Variants in PPP3R1 observed in about 807,000 individuals in gnomAD.
PPP3R1 encodes the protein protein phosphatase 3 regulatory subunit B, alpha.
PPP3R1 carries 5 observed loss-of-function variants against 22.6 expected under a neutral mutation model. That is an observed-to-expected ratio of 0.22 (90% CI 0.12 to 0.46). The LOEUF is 0.46. Among genes scored for constraint, PPP3R1 ranks in the 20% least tolerant of loss-of-function variants. The pLI is 0.99. For synonymous variants in PPP3R1, 56 were observed against 65.2 expected, an observed-to-expected ratio of 0.86 and a Z score of 0.68; for missense variants, 61 against 203.2, an observed-to-expected ratio of 0.30 and a Z score of 4.25.
intron 2 of PPP3R1, among the ~76,000 whole-genome samples, chr2:68,207,853 G>C (rs1352988459): frequency 6.6e-6 from 1 of 152,172 alleles, no homozygotes; most frequent in East Asian, 1.9e-4. Flanking sequence ...CAATTCTAGA[G>C]AAACTATAAA....
chr2:68,192,890 A>C (rs983475234), intron 2 of PPP3R1, among the ~76,000 whole-genome samples: 1 of 152,132 alleles, frequency 6.6e-6, no homozygotes, highest in African/African-American at 2.4e-5. Context: ...TCTCTGCTAA[A>C]GTATAGATTT....
intron 3 of PPP3R1, among the ~76,000 whole-genome samples, chr2:68,188,205 C>T (rs1411387773): frequency 6.6e-6 from 1 of 151,998 alleles, no homozygotes; most frequent in Non-Finnish European, 1.5e-5. Flanking sequence ...GGAATTGCAG[C>T]TTCTAATGTA....
At chr2:68,204,331 A>G (rs1675061741) in intron 2 of PPP3R1, among the ~76,000 whole-genome samples, 1 of 50,426 alleles carries the variant, frequency 2.0e-5, no homozygotes, top group African/African-American at 1.3e-4. Flanking sequence ...ATATACACAC[A>G]CACACTATAT....
chr2:68,223,593 A>G (rs550071882), intron 1 of PPP3R1, among the ~76,000 whole-genome samples: 1 of 152,284 alleles, frequency 6.6e-6, no homozygotes, highest in Non-Finnish European at 1.5e-5. Context: ...AAAAAGAAAA[A>G]AACCACATGG....
chr2:68,191,768 C>A (rs544911112), intron 2 of PPP3R1, among the ~76,000 whole-genome samples: 1 of 152,164 alleles, frequency 6.6e-6, no homozygotes, highest in South Asian at 2.1e-4. Context: ...ACATCAACTA[C>A]ACAAGCATTT....
chr2:68,217,197 A>G, intron 1 of PPP3R1, 66 bp from the exon 2 acceptor site: 2 of 1,155,620 alleles, frequency 1.7e-6, no homozygotes, highest in South Asian at 2.9e-5. Context: ...TATTAAACCT[A>G]AATATTTTAA....
chr2:68,210,749 C>T (rs993462437), intron 2 of PPP3R1, among the ~76,000 whole-genome samples: 1 of 152,150 alleles, frequency 6.6e-6, no homozygotes, highest in Non-Finnish European at 1.5e-5. Context: ...AACTACAGAA[C>T]GAGGCCATCA....
At position 68,189,112 on chromosome 2, in the gene PPP3R1, T is replaced by A. The variant is rs542058133; in HGVS notation, c.44-422A>T. 6.6e-5 allele frequency among the ~76,000 whole-genome samples: 10 copies of A among 152,278 alleles called. No homozygotes were observed. In the East Asian group the frequency reaches 1.7e-3, roughly 27 times the overall value. ...TGTTCTGTAAACCGAAGTACTTTCA[T>A]TTTCATTTTTCTTGTTAAATTTTAA... On this transcript the variant is annotated intron_variant, in intron 2 of 5. Coordinates refer to ENST00000234310, the MANE Select transcript of PPP3R1 (RefSeq NM_000945.4).
rs548600210 is a variant in PPP3R1, at chr2:68,217,444, G to A, written c.4-313C>T. Among the ~76,000 whole-genome samples, 3 of 151,896 alleles carry A rather than the reference G, an allele frequency of 2.0e-5. No homozygotes were observed. In the South Asian group the frequency reaches 6.2e-4, roughly 32 times the overall value. ...TATATGCCAAATTTTAACACATTAGGGACTGTCAATGTTCCAACATGTCTT... is the reference window on the plus strand; with the variant it reads ...TATATGCCAAATTTTAACACATTAGAGACTGTCAATGTTCCAACATGTCTT... On this transcript the variant is annotated intron_variant, in intron 1 of 5. Transcript: ENST00000234310.
intron 2 of PPP3R1, among the ~76,000 whole-genome samples, chr2:68,207,290 A>G (rs1051979196): frequency 1.3e-5 from 2 of 152,014 alleles, no homozygotes; most frequent in Non-Finnish European, 2.9e-5. Flanking sequence ...TAACAGACAA[A>G]ATAATTTAGA....
intron 2 of PPP3R1, among the ~76,000 whole-genome samples, chr2:68,212,643 G>C (rs1480812065): frequency 6.6e-6 from 1 of 152,306 alleles, no homozygotes; most frequent in East Asian, 1.9e-4. Flanking sequence ...TTTTTTCTGA[G>C]AGGTAAGTGT....
chr2:68,182,375 A>G (rs1010484284), intron 5 of PPP3R1, among the ~76,000 whole-genome samples: 13 of 152,160 alleles, frequency 8.5e-5, no homozygotes, highest in African/African-American at 3.1e-4. Context: ...GCAATAATTT[A>G]AAGTTTTCAG....
intron 2 of PPP3R1, among the ~76,000 whole-genome samples, chr2:68,205,931 T>C (rs1250369402): frequency 2.0e-5 from 3 of 152,110 alleles, no homozygotes; most frequent in Non-Finnish European, 4.4e-5. Flanking sequence ...GCCATTCTCC[T>C]GCCTCAGCCA....
chr2:68,232,128 C>CACACACACACACACAG (rs1558641296), intron 1 of PPP3R1, among the ~76,000 whole-genome samples: 14 of 109,248 alleles, frequency 1.3e-4, no homozygotes, highest in Admixed American at 1.0e-3. Context: ...TATATATACA[C>CACACACACACACACAG]ACACACACAC....
At chr2:68,204,175 C>T (rs1053220983) in intron 2 of PPP3R1, among the ~76,000 whole-genome samples, 1 of 151,992 alleles carries the variant, frequency 6.6e-6, no homozygotes, top group African/African-American at 2.4e-5. Flanking sequence ...CAAGTTAGAA[C>T]TAAGGCTTCC....
chr2:68,232,259 GTGTGTGTATATATA>G lies in PPP3R1; in HGVS notation c.4-15142_4-15129del, dbSNP rs1344107472. 1.8e-3 allele frequency among the ~76,000 whole-genome samples: 174 copies of G among 97,886 alleles called. 2 individuals carry two copies. The highest frequency in any genetic ancestry group is 0.012 in the African/African-American group (156 of 13,272). 64.2% of individuals were successfully genotyped at this position (97,886 alleles called of 152,430 possible). On this transcript the variant is annotated intron_variant, in intron 1 of 5. Coordinates refer to ENST00000234310, the MANE Select transcript of PPP3R1 (RefSeq NM_000945.4). ...TGTGTGTGTGTGTGTGTGTGTGTGT[GTGTGTGTATATATA>G]TATACACACACACAAAAATTAGCCA...
intron 5 of PPP3R1, among the ~76,000 whole-genome samples, chr2:68,182,677 A>G (rs962903150): frequency 1.5e-5 from 2 of 130,254 alleles, no homozygotes; most frequent in African/African-American, 6.0e-5. Flanking sequence ...AAAAAAAAAG[A>G]TTAGGCGGCA....
chr2:68,230,292 C>T (rs979925198), intron 1 of PPP3R1, among the ~76,000 whole-genome samples: 5 of 152,156 alleles, frequency 3.3e-5, no homozygotes, highest in African/African-American at 1.2e-4. Flanking sequence ...CATGCCCGGC[C>T]TTCATTTCTG....
At chr2:68,188,795 G>T in intron 2 of PPP3R1, 105 bp from the exon 3 acceptor site, 1 of 936,228 alleles carries the variant, frequency 1.1e-6, no homozygotes, top group Non-Finnish European at 1.5e-6. Flanking sequence ...AGTTATAGGG[G>T]GGAAAAAAAA....
Sources: allele counts gnomAD v4.1 joint callset (sites outside exome capture counted in the v4.1 genomes callset), GRCh38; gene constraint gnomAD v4.1.1; transcripts MANE v1.5; gene names NCBI Gene and HGNC (gene_info 2026-07-23, HGNC 2026-07-21).